TIGD1: variants seen among roughly 807,000 people sequenced by gnomAD.
TIGD1 encodes the protein tigger transposable element-derived protein 1.
A neutral mutation model predicts 21.3 loss-of-function variants in TIGD1; 20 were observed. That is an observed-to-expected ratio of 0.94 (90% CI 0.66 to 1.36). The LOEUF (loss-of-function observed/expected upper bound fraction) is 1.36, where lower values mean the gene tolerates loss of function less well. TIGD1 is among the 40% of genes most tolerant of loss of function. The probability of loss-of-function intolerance (pLI) is 0.00; values close to 1 mark genes in which losing one functional copy is unlikely to be tolerated. For missense variants in TIGD1, 556 were observed against 350.5 expected (o/e 1.59, Z -4.68); for synonymous variants, 177 against 123.2 (o/e 1.44, Z -2.89).
chr2:232,548,405 T>C lies in TIGD1; in HGVS notation c.1478A>G (p.Glu493Gly). 1 of 789,774 alleles carries C rather than the reference T, an allele frequency of 1.3e-6. No homozygotes were observed. The highest frequency in any genetic ancestry group is 1.6e-5 in the South Asian group (1 of 61,916). The allele number at this position is 789,774 out of a possible 1,614,324, so 48.9% of individuals were successfully genotyped here. ...NIVEMTTKDL[E>G]YYINLVDKAA... is the part of the protein sequence containing the mutation. The stretch of plus-strand genomic sequence containing the variant: ...TTTATCAACTAAGTTTATGTAATAT[T>C]CTAAATCCTTTGTTGTCATTTCAAC... The change falls in exon 1 of 1, where the codon GAA (glutamate) becomes GGA (glycine). Residue 493 changes from glutamate to glycine, a missense_variant. Coordinates refer to ENST00000408957, the MANE Select transcript of TIGD1 (RefSeq NM_145702.4).
chr2:232,549,547 G>A lies in TIGD1; in HGVS notation c.336C>T (p.Leu112=), dbSNP rs1159065260. 3.0e-6 allele frequency: 2 copies of A among 673,422 alleles called. No homozygotes were observed. The highest frequency in any genetic ancestry group is 3.4e-5 in the South Asian group (2 of 58,366). 41.7% of individuals were successfully genotyped at this position (673,422 alleles called of 1,614,324 possible). The change falls in exon 1 of 1, where the codon CTC becomes CTT. Residue 112 remains leucine (L), a synonymous_variant. Transcript: ENST00000408957. ...CTCTCTCAGCTTTCATAGAGTTGAA[G>A]AGAGTTAGGGCTTTGTTCTGGATTA... The part of the protein sequence containing the change: ...QSLIQNKALT[L]FNSMKAERGV...
rs773144564 is a variant in TIGD1 at position 232,550,104 on chromosome 2, G to T, written c.-222C>A. On this transcript the variant is annotated 5_prime_UTR_variant, in exon 1 of 1. It adds an upstream start codon to the 5' untranslated region. Coordinates refer to ENST00000408957, the MANE Select transcript of TIGD1 (RefSeq NM_145702.4). ...ATCATAGATCACCATAACAGACACA[G>T]AAATCATGAAAAAGTTTTAAATATT... 3.1e-5 allele frequency: 13 copies of T among 421,242 alleles called. No individual in the cohort carries two copies. In the Admixed American group the frequency reaches 5.3e-4, roughly 17 times the overall value. 26.1% of individuals were successfully genotyped at this position (421,242 alleles called of 1,614,324 possible).
In TIGD1 at chr2:232,545,609, C is replaced by G. The variant is rs1370894896; in HGVS notation, c.*2498G>C. The G allele has an allele frequency of 3.7e-6, 6 of 1,614,152 alleles. No individual in the cohort carries two copies. The highest frequency in any genetic ancestry group is 5.1e-6 in the Non-Finnish European group (6 of 1,180,028). On this transcript the variant is annotated 3_prime_UTR_variant, in exon 1 of 1. Coordinates refer to ENST00000408957, the MANE Select transcript of TIGD1 (RefSeq NM_145702.4). The stretch of plus-strand genomic sequence containing the variant: ...CGTCTGCTTCCTGGCCATGCTCTCG[C>G]TCTTCATCTGTGGCACAGCTGGCAT...
Position 232,545,708 on chromosome 2 carries a change from C to T in TIGD1, c.*2399G>A. The T allele has an allele frequency of 6.2e-7, 1 of 1,614,148 alleles. No homozygotes were observed. The highest frequency in any genetic ancestry group is 1.6e-4 in the Middle Eastern group (1 of 6,062). On this transcript the variant is annotated 3_prime_UTR_variant, in exon 1 of 1. Transcript: ENST00000408957. ...AGATCCACGCCCCTACCTGCCCTCA[C>T]CAGACTGAGCCAACCAACCACTGTG...
In TIGD1 at chr2:232,550,469, C is replaced by G. The variant is rs1222426678; in HGVS notation, c.-587G>C. On this transcript the variant is annotated 5_prime_UTR_variant, in exon 1 of 1. Coordinates refer to ENST00000408957, the MANE Select transcript of TIGD1 (RefSeq NM_145702.4). ...CTGCGGGAGGGGGCCAGGACACGCT[C>G]CCTTAGGAGAGCGGGCGGGTCACAA... The G allele has an allele frequency of 4.0e-5, 22 of 551,256 alleles. No homozygotes were observed. In the South Asian group the frequency reaches 5.4e-4, roughly 14 times the overall value. 34.1% of individuals were successfully genotyped at this position (551,256 alleles called of 1,614,324 possible). A position where few individuals can be genotyped will look rare whatever the true frequency, so the allele number is the denominator to read the frequency against.
chr2:232,545,010 CAT>C lies in TIGD1; in HGVS notation c.*3095_*3096del. 1 of 1,440,454 alleles carries C rather than the reference CAT, an allele frequency of 6.9e-7. No individual in the cohort carries two copies. The highest frequency in any genetic ancestry group is 1.2e-5 in the South Asian group (1 of 83,732). The allele number at this position is 1,440,454 out of a possible 1,614,324, so 89.2% of individuals were successfully genotyped here. On this transcript the variant is annotated 3_prime_UTR_variant, in exon 1 of 1. Transcript: ENST00000408957. ...AAGATAGGGCAGTGGGATGGAAAAA[CAT>C]GAGGCCGGGTGCAGTGGGTCACACC... is the stretch of plus-strand genomic sequence containing the variant.
Position 232,545,534 on chromosome 2 carries a change from C to T in TIGD1, c.*2573G>A. The T allele has an allele frequency of 3.1e-6, 5 of 1,613,168 alleles. No homozygotes were observed. Among genetic ancestry groups the T allele is most frequent in the Non-Finnish European group, 4.2e-6 (5 of 1,179,754 alleles). ...CGCTGGTTATCCCACACCTGCCTCC[C>T]ACCCTCAGGGGAATGAGGAGTGGTT... On this transcript the variant is annotated 3_prime_UTR_variant, in exon 1 of 1. Transcript: ENST00000408957.
At position 232,545,033 on chromosome 2, in the gene TIGD1, A is replaced by C; in HGVS notation, c.*3074T>G. 8.6e-7 allele frequency: 1 copy of C among 1,162,342 alleles called. No individual in the cohort carries two copies. The highest frequency in any genetic ancestry group is 2.6e-5 in the East Asian group (1 of 39,058). The allele number at this position is 1,162,342 out of a possible 1,614,324, so 72.0% of individuals were successfully genotyped here. A position where few individuals can be genotyped will look rare whatever the true frequency, so the allele number is the denominator to read the frequency against. ...AACATGAGGCCGGGTGCAGTGGGTC[A>C]CACCTGTAATCCCAGTACTTTGGGA... is the stretch of plus-strand genomic sequence containing the variant. On this transcript the variant is annotated 3_prime_UTR_variant, in exon 1 of 1. Transcript: ENST00000408957.
In TIGD1 at chr2:232,545,416, C is replaced by A; in HGVS notation, c.*2691G>T. ...ATGGAATTAGCCACCAGTTGGGACC[C>A]GGACATAGGTAAGAAGGGCCCCAGG... On this transcript the variant is annotated 3_prime_UTR_variant, in exon 1 of 1. Coordinates refer to ENST00000408957, the MANE Select transcript of TIGD1 (RefSeq NM_145702.4). 1 of 885,024 alleles carries A rather than the reference C, an allele frequency of 1.1e-6. No homozygotes were observed. Among genetic ancestry groups the A allele is most frequent in the Non-Finnish European group, 1.8e-6 (1 of 554,402 alleles). 54.8% of individuals were successfully genotyped at this position (885,024 alleles called of 1,614,324 possible). A position where few individuals can be genotyped will look rare whatever the true frequency, so the allele number is the denominator to read the frequency against.
In TIGD1 at chr2:232,549,583, T is replaced by G. The variant is rs751785451; in HGVS notation, c.300A>C (p.Leu100Phe). Residue 100 changes from leucine (L) to phenylalanine (F), a missense_variant, in exon 1 of 1, where the codon TTA becomes TTC. Physicochemically the swap from Leu to Phe is conservative, Grantham distance 22. Coordinates refer to ENST00000408957, the MANE Select transcript of TIGD1 (RefSeq NM_145702.4). ...CTTTGTTCTGGATTAGGCTTTGGCT[T>G]AAGGGAATGTTGCGGCTGGTCTGAT... ...IEDQTSRNIP[L>F]SQSLIQNKAL... The G allele has an allele frequency of 7.3e-6, 5 of 681,442 alleles. No individual in the cohort carries two copies. The highest frequency in any genetic ancestry group is 1.8e-5 in the African/African-American group (1 of 56,878). 42.2% of individuals were successfully genotyped at this position (681,442 alleles called of 1,614,324 possible).
Position 232,548,122 on chromosome 2 carries a change from G to A in TIGD1, c.1761C>T (p.Thr587=), listed in dbSNP as rs534987124. 6.6e-5 allele frequency: 53 copies of A among 798,932 alleles called. No homozygotes were observed. The highest frequency in any genetic ancestry group is 5.4e-4 in the East Asian group (19 of 35,196). 49.5% of individuals were successfully genotyped at this position (798,932 alleles called of 1,614,324 possible). ...ATGCTGATTATCAATCTGAGCCTTCGGTGAGTCGTACTCTTTTTGCTGGTG... is the reference window on the plus strand; with the variant it reads ...ATGCTGATTATCAATCTGAGCCTTCAGTGAGTCGTACTCTTTTTGCTGGTG... ...DPPPAKRVRL[T]EGSD The change falls in exon 1 of 1, where the codon ACC becomes ACT. Residue 587 remains threonine, a synonymous_variant. Transcript: ENST00000408957.
At position 232,546,146 on chromosome 2, in the gene TIGD1, GCT is replaced by G; in HGVS notation, c.*1959_*1960del. 1 of 309,344 alleles carries G rather than the reference GCT, an allele frequency of 3.2e-6. No homozygotes were observed. The allele number at this position is 309,344 out of a possible 1,614,324, so 19.2% of individuals were successfully genotyped here. A position where few individuals can be genotyped will look rare whatever the true frequency, so the allele number is the denominator to read the frequency against. On this transcript the variant is annotated 3_prime_UTR_variant, in exon 1 of 1. Transcript: ENST00000408957. ...AGAGGTGTGAAGAGTAGCAGCCGATGCTCTCTCCAAAGCAGGGCAGCAGCCCA... is the reference window on the plus strand; with the variant it reads ...AGAGGTGTGAAGAGTAGCAGCCGATGCTCTCCAAAGCAGGGCAGCAGCCCA...
chr2:232,549,704 T>C lies in TIGD1; in HGVS notation c.179A>G (p.Glu60Gly), dbSNP rs1469229343. 2 of 841,874 alleles carry C rather than the reference T, an allele frequency of 2.4e-6. No homozygotes were observed. Among genetic ancestry groups the C allele is most frequent in the Non-Finnish European group, 4.0e-6 (2 of 499,644 alleles). The allele number at this position is 841,874 out of a possible 1,614,324, so 52.2% of individuals were successfully genotyped here. Residue 60 changes from glutamate to glycine, a missense_variant, in exon 1 of 1, where the codon GAA becomes GGA. Physicochemically the swap from Glu to Gly is moderately conservative, Grantham distance 98 (BLOSUM62 -2). Transcript: ENST00000408957. ...VVNAKEKFLK[E>G]VKSATPMNTR... ...GTTCATTGGAGTAGCACTTTTAACT[T>C]CCTTCAAGAACTTTTCCTTTGCATT... is the stretch of plus-strand genomic sequence containing the variant.
At position 232,550,556 on chromosome 2, in the gene TIGD1, G is replaced by A. The variant is rs1301465164; in HGVS notation, c.-674C>T. 1 of 873,456 alleles carries A rather than the reference G, an allele frequency of 1.1e-6. No individual in the cohort carries two copies. Among genetic ancestry groups the A allele is most frequent in the South Asian group, 1.5e-5 (1 of 66,994 alleles). 54.1% of individuals were successfully genotyped at this position (873,456 alleles called of 1,614,324 possible). On this transcript the variant is annotated 5_prime_UTR_variant, in exon 1 of 1. Transcript: ENST00000408957. ...GCTCCGCCGCTGAGTCCAGCCCTCT[G>A]CGCAGCCGCCCTGAGCTGGCGTCCC...
chr2:232,549,981 A>C lies in TIGD1; in HGVS notation c.-99T>G. ...GAGATGGGGAACGGTCTGTGGGTGG[A>C]GCGGTCAGAACACACACAACATTAA... On this transcript the variant is annotated 5_prime_UTR_variant, in exon 1 of 1. Transcript: ENST00000408957. The C allele has an allele frequency of 1.5e-6, 1 of 676,842 alleles. No homozygotes were observed. The highest frequency in any genetic ancestry group is 2.5e-6 in the Non-Finnish European group (1 of 400,288). 41.9% of individuals were successfully genotyped at this position (676,842 alleles called of 1,614,324 possible).
Position 232,549,416 on chromosome 2 carries a change from C to T in TIGD1, c.467G>A (p.Ser156Asn). ...ACTTGCTGCAGCTTCTACATCAGCACTTGCTGCTTCACCTTGTGCTTTTAT... is the reference window on the plus strand; with the variant it reads ...ACTTGCTGCAGCTTCTACATCAGCATTTGCTGCTTCACCTTGTGCTTTTAT... The part of the protein sequence containing the change: ...HNIKAQGEAA[S>N]ADVEAAASYP... The change falls in exon 1 of 1, where the codon AGT (serine) becomes AAT (asparagine). Residue 156 changes from serine to asparagine, a missense_variant. Ser to Asn is a conservative substitution (Grantham distance 46, BLOSUM62 1). Coordinates refer to ENST00000408957, the MANE Select transcript of TIGD1 (RefSeq NM_145702.4). 1 of 644,074 alleles carries T rather than the reference C, an allele frequency of 1.6e-6. No individual in the cohort carries two copies. The highest frequency in any genetic ancestry group is 1.8e-5 in the South Asian group (1 of 55,130). The allele number at this position is 644,074 out of a possible 1,614,324, so 39.9% of individuals were successfully genotyped here. A position where few individuals can be genotyped will look rare whatever the true frequency, so the allele number is the denominator to read the frequency against.
At position 232,544,475 on chromosome 2, in the gene TIGD1, T is replaced by C; in HGVS notation, c.*3632A>G. ...GCTACAGAATGGCTCCTCGGGATGG[T>C]CGATCACAACTGGGGAGGAGGTGGC... On this transcript the variant is annotated 3_prime_UTR_variant, in exon 1 of 1. Transcript: ENST00000408957. 1 of 1,613,676 alleles carries C rather than the reference T, an allele frequency of 6.2e-7. No individual in the cohort carries two copies. The highest frequency in any genetic ancestry group is 8.5e-7 in the Non-Finnish European group (1 of 1,180,004).
In TIGD1 at chr2:232,548,451, C is replaced by A; in HGVS notation, c.1432G>T (p.Gly478Cys). The A allele has an allele frequency of 1.4e-6, 1 of 702,336 alleles. No individual in the cohort carries two copies. The highest frequency in any genetic ancestry group is 2.5e-6 in the Non-Finnish European group (1 of 400,100). The allele number at this position is 702,336 out of a possible 1,614,324, so 43.5% of individuals were successfully genotyped here. A position where few individuals can be genotyped will look rare whatever the true frequency, so the allele number is the denominator to read the frequency against. Reference sequence around the variant, plus strand: ...TCAACAATGTTCACAGCATCTTCACCAGGTGTAGATTCCATCTCAAGAAAC... The same window carrying A: ...TCAACAATGTTCACAGCATCTTCACAAGGTGTAGATTCCATCTCAAGAAAC... ...KWFLEMESTP[G>C]EDAVNIVEMT... Residue 478 changes from glycine to cysteine, a missense_variant, in exon 1 of 1, where the codon GGT becomes TGT. Gly to Cys is a radical substitution (Grantham distance 159). Transcript: ENST00000408957.
rs1400845981 is a variant in TIGD1, at chr2:232,545,937, C to T, written c.*2170G>A. On this transcript the variant is annotated 3_prime_UTR_variant, in exon 1 of 1. Coordinates refer to ENST00000408957, the MANE Select transcript of TIGD1 (RefSeq NM_145702.4). ...GGCTAGTGTCCTGCTGCAGTCAGCA[C>T]ACACGTGGGATTGGCTAGCTCATCC... 4 of 641,106 alleles carry T rather than the reference C, an allele frequency of 6.2e-6. No homozygotes were observed. Among genetic ancestry groups the T allele is most frequent in the Non-Finnish European group, 1.1e-5 (4 of 352,992 alleles). 39.7% of individuals were successfully genotyped at this position (641,106 alleles called of 1,614,324 possible).
Sources: gnomAD v4.1 joint callset for allele counts on GRCh38, gnomAD v4.1.1 for gene constraint, MANE v1.5 for transcripts, NCBI Gene and HGNC (gene_info 2026-07-23, HGNC 2026-07-21) for gene names.